Variants in GRID2 observed in about 807,000 individuals in gnomAD.
GRID2 encodes the protein glutamate ionotropic receptor delta type subunit 2.
In GRID2, 33 loss-of-function variants were observed where a neutral mutation model predicts 114.8. The observed-to-expected ratio is 0.29, with a 90% CI of 0.22 to 0.38. The LOEUF is 0.38. Among genes scored for constraint, GRID2 ranks in the 10% least tolerant of loss-of-function variants. The probability of loss-of-function intolerance (pLI) is 1.00; values close to 1 mark genes in which losing one functional copy is unlikely to be tolerated. For missense variants in GRID2, 1,184 were observed against 1,257.7 expected (o/e 0.94, Z 0.89); for synonymous variants, 505 against 449.9 (o/e 1.12, Z -1.55).
At chr4:92,366,823 A>T (rs1455460362) in intron 1 of GRID2, among the ~76,000 whole-genome samples, 1 of 152,032 alleles carries the variant, frequency 6.6e-6, no homozygotes. Context: ...AATGATAAAT[A>T]AATGGGGGCA....
rs762915514 is a variant in GRID2, at chr4:92,507,788, C to CA, written c.89-82342dup. On this transcript the variant is annotated intron_variant, in intron 1 of 15. Transcript: ENST00000282020. ...TATAACACTCTTGGAATGTGAGTCT[C>CA]AGGTTTCCAACTTCATCTCAAGTCA... Among the ~76,000 whole-genome samples the CA allele has an allele frequency of 5.9e-5, 9 of 152,022 alleles. No homozygotes were observed. The South Asian group carries it at 1.9e-3, about 32-fold the overall frequency.
At chr4:92,604,939 A>T (rs908939121) in intron 2 of GRID2, among the ~76,000 whole-genome samples, 2 of 151,940 alleles carry the variant, frequency 1.3e-5, no homozygotes, top group African/African-American at 2.4e-5. Flanking sequence ...TCATGCGGGC[A>T]GTTTCCCCCA....
chr4:92,751,796 T>C (rs534593086), intron 2 of GRID2, among the ~76,000 whole-genome samples: 14 of 152,314 alleles, frequency 9.2e-5, no homozygotes, highest in African/African-American at 3.4e-4. Flanking sequence ...TAAAGCTAGT[T>C]GGCAAAAAAT....
chr4:93,445,887 CATATG>C (rs1243747463), intron 10 of GRID2, among the ~76,000 whole-genome samples: 10 of 151,930 alleles, frequency 6.6e-5, no homozygotes, highest in African/African-American at 2.4e-4. Context: ...TTTTAGATCT[CATATG>C]ATATGACAAA....
At chr4:93,447,361 A>C (rs1452187104) in intron 10 of GRID2, among the ~76,000 whole-genome samples, 4 of 152,020 alleles carry the variant, frequency 2.6e-5, no homozygotes, top group Non-Finnish European at 5.9e-5. Flanking sequence ...GAATTCATAA[A>C]TCAATAGGGT....
At chr4:93,490,155 A>G (rs1344101792) in intron 11 of GRID2, among the ~76,000 whole-genome samples, 1 of 151,970 alleles carries the variant, frequency 6.6e-6, no homozygotes, top group Admixed American at 6.6e-5. Flanking sequence ...CAAGTATGTG[A>G]TGCTGAAGCC....
intron 2 of GRID2, among the ~76,000 whole-genome samples, chr4:92,748,919 C>T (rs1166370214): frequency 6.6e-6 from 1 of 151,960 alleles, no homozygotes; most frequent in African/African-American, 2.4e-5. Flanking sequence ...CTACCGCAGC[C>T]TCCCACAGTG....
intron 1 of GRID2, among the ~76,000 whole-genome samples, chr4:92,369,004 C>T (rs567391020): frequency 6.6e-6 from 1 of 151,212 alleles, no homozygotes; most frequent in South Asian, 2.1e-4. Flanking sequence ...GATCTTAGTC[C>T]ATCCAATTAT....
intron 2 of GRID2, among the ~76,000 whole-genome samples, chr4:92,598,036 G>A (rs1363742917): frequency 6.6e-6 from 1 of 152,052 alleles, no homozygotes; most frequent in Non-Finnish European, 1.5e-5. Context: ...CCTATTTTTT[G>A]TTGTCCTTGA....
chr4:92,845,415 G>A (rs368821067), intron 2 of GRID2, among the ~76,000 whole-genome samples: 8 of 152,076 alleles, frequency 5.3e-5, no homozygotes, highest in African/African-American at 1.7e-4. Flanking sequence ...ACCATGTCCT[G>A]TGCATTGTTT....
chr4:93,205,620 G>A (rs7699088), intron 4 of GRID2, among the ~76,000 whole-genome samples: 2,578 of 152,184 alleles, frequency 0.017, 71 homozygotes, highest in African/African-American at 0.059. Context: ...ATAAACATAC[G>A]TGTGCATGTG....
chr4:92,958,757 CTTG>C (rs1752597789), intron 2 of GRID2, among the ~76,000 whole-genome samples: 1 of 151,964 alleles, frequency 6.6e-6, no homozygotes, highest in Non-Finnish European at 1.5e-5. Flanking sequence ...TAATTTCTTC[CTTG>C]AATGTGTGGT....
intron 2 of GRID2, among the ~76,000 whole-genome samples, chr4:92,911,449 A>C (rs1330158258): frequency 2.0e-5 from 3 of 152,006 alleles, no homozygotes; most frequent in Non-Finnish European, 2.9e-5. Flanking sequence ...CACATAGTGG[A>C]TATTTATTTC....
Position 92,439,141 on chromosome 4 carries a change from G to A in GRID2, c.88+134397G>A, listed in dbSNP as rs550831918. Among the ~76,000 whole-genome samples, 15 of 151,898 alleles carry A rather than the reference G, an allele frequency of 9.9e-5. No homozygotes were observed. The South Asian group carries it at 2.3e-3, about 23-fold the overall frequency. On this transcript the variant is annotated intron_variant, in intron 1 of 15. Coordinates refer to ENST00000282020, the MANE Select transcript of GRID2 (RefSeq NM_001510.4). ...AGTCAAAGGGGGCTTGTTCTCTGGCGGGCAGGAGTGGGGGTTGCAAGTTGC... is the reference window on the plus strand; with the variant it reads ...AGTCAAAGGGGGCTTGTTCTCTGGCAGGCAGGAGTGGGGGTTGCAAGTTGC...
intron 14 of GRID2, among the ~76,000 whole-genome samples, chr4:93,662,049 T>C (rs1277747904): frequency 6.6e-6 from 1 of 152,204 alleles, no homozygotes. Context: ...TCCAGCTACC[T>C]GGCTTCCCTG....
At chr4:92,690,409 G>A (rs1044080110) in intron 2 of GRID2, among the ~76,000 whole-genome samples, 1 of 152,074 alleles carries the variant, frequency 6.6e-6, no homozygotes, top group African/African-American at 2.4e-5. Flanking sequence ...TTATATGAGT[G>A]TCGTCCAAGT....
intron 2 of GRID2, among the ~76,000 whole-genome samples, chr4:93,042,321 A>G (rs993737839): frequency 7.3e-6 from 1 of 136,078 alleles, no homozygotes; most frequent in Non-Finnish European, 1.6e-5. Context: ...ATATATATAC[A>G]CCTATTTAAC....
At chr4:93,558,529 A>C (rs1291867736) in intron 13 of GRID2, among the ~76,000 whole-genome samples, 1 of 152,204 alleles carries the variant, frequency 6.6e-6, no homozygotes, top group African/African-American at 2.4e-5. Context: ...CCCAAGACTA[A>C]ATCAGGAAGA....
chr4:93,509,403 A>T (rs1728951943), intron 12 of GRID2, among the ~76,000 whole-genome samples: 2 of 152,198 alleles, frequency 1.3e-5, no homozygotes, highest in Non-Finnish European at 1.5e-5. Flanking sequence ...GGAAACAAGG[A>T]TACGGCAATT....
Sources: gnomAD v4.1 joint callset for allele counts (sites outside exome capture counted in the v4.1 genomes callset) on GRCh38, gnomAD v4.1.1 for gene constraint, MANE v1.5 for transcripts, NCBI Gene and HGNC (gene_info 2026-07-23, HGNC 2026-07-21) for gene names.